Variants in KBTBD7 observed in about 807,000 individuals in gnomAD.
The protein encoded by KBTBD7 is kelch repeat and BTB domain-containing protein 7.
KBTBD7 carries 25 observed loss-of-function variants against 50.3 expected under a neutral mutation model. The observed-to-expected ratio is 0.50, with a 90% CI of 0.36 to 0.69. The LOEUF (loss-of-function observed/expected upper bound fraction) is 0.69, where lower values mean the gene tolerates loss of function less well. KBTBD7 is among the 30% of genes least tolerant of loss of function. The pLI is 0.00. For missense variants in KBTBD7, 653 were observed against 869.5 expected (o/e 0.75, Z 3.13); for synonymous variants, 305 against 325.3 (o/e 0.94, Z 0.67).
At position 41,192,441 on chromosome 13, in the gene KBTBD7, T is replaced by G; in HGVS notation, c.1817A>C (p.Gln606Pro). Residue 606 changes from glutamine (Q) to proline (P), a missense_variant, in exon 1 of 1, where the codon CAG becomes CCG. By Grantham distance (76) the Gln-to-Pro change is moderately conservative. Transcript: ENST00000379483. ...AAGGCAAATAAAGCCAGAGTCAAAC[T>G]GCAAAAGGCCTAACATGGTACCTAT... ...INIGTMLGLL[Q>P]FDSGFICLCA... The G allele has an allele frequency of 6.2e-7, 1 of 1,614,230 alleles. No individual in the cohort carries two copies. The highest frequency in any genetic ancestry group is 8.5e-7 in the Non-Finnish European group (1 of 1,180,030).
At position 41,194,130 on chromosome 13, in the gene KBTBD7, G is replaced by A. The variant is rs1031566137; in HGVS notation, c.128C>T (p.Thr43Met). The change falls in exon 1 of 1, where the codon ACG becomes ATG. Residue 43 changes from threonine (T) to methionine (M), a missense_variant. Around this residue, in one of 3 missense-constraint regions of KBTBD7, gnomAD observed 119 missense variants for 125.0 expected, o/e 0.95. Transcript: ENST00000379483. ...FFTGPEELKD[T>M]AHSAALLAQL... ...TGCCAGCAGGGCTGCAGAATGGGCC[G>A]TGTCCTTTAACTCCTCTGGACCCGT... 1.9e-6 allele frequency: 3 copies of A among 1,614,082 alleles called. No individual in the cohort carries two copies. In the African/African-American group the frequency reaches 4.0e-5, roughly 22 times the overall value.
rs532278193 is a variant in KBTBD7 at position 41,192,503 on chromosome 13, C to T, written c.1755G>A (p.Val585=). ...TPQWKKNRVT[V]YEYDTREDQW... ...GATCTTCCCTAGTATCATACTCATACACTGTCACTCGGTTCTTTTTCCATT... is the reference window on the plus strand; with the variant it reads ...GATCTTCCCTAGTATCATACTCATATACTGTCACTCGGTTCTTTTTCCATT... The change falls in exon 1 of 1, where the codon GTG becomes GTA. Residue 585 remains valine (V), a synonymous_variant. Coordinates refer to ENST00000379483, the MANE Select transcript of KBTBD7 (RefSeq NM_032138.7). 2 of 1,614,202 alleles carry T rather than the reference C, an allele frequency of 1.2e-6. No individual in the cohort carries two copies. Among genetic ancestry groups the T allele is most frequent in the South Asian group, 1.1e-5 (1 of 91,082 alleles).
In KBTBD7 at chr13:41,193,915, G is replaced by C. The variant is rs770048366; in HGVS notation, c.343C>G (p.His115Asp). 2 of 1,613,974 alleles carry C rather than the reference G, an allele frequency of 1.2e-6. No individual in the cohort carries two copies. Among genetic ancestry groups the C allele is most frequent in the Non-Finnish European group, 1.7e-6 (2 of 1,179,896 alleles). The stretch of plus-strand genomic sequence containing the variant: ...TCGAAGGACTCGGCGTCCACATCGT[G>C]CATGGTCACGCTGGCCTGCTGGCTC... ...YESQQASVTM[H>D]DVDAESFEVL... The change falls in exon 1 of 1, where the codon CAC becomes GAC. Residue 115 changes from histidine to aspartate, a missense_variant. His to Asp is a moderately conservative substitution (Grantham distance 81). This residue lies in a region of KBTBD7 where 526 missense variants were observed against 717.1 expected (regional missense o/e 0.73). Coordinates refer to ENST00000379483, the MANE Select transcript of KBTBD7 (RefSeq NM_032138.7). The surrounding 1 kb of genome is among the most constrained non-coding windows in gnomAD (Gnocchi z 5.7).
At position 41,194,346 on chromosome 13, in the gene KBTBD7, C is replaced by T; in HGVS notation, c.-89G>A. 22 of 1,511,948 alleles carry T rather than the reference C, an allele frequency of 1.5e-5. No homozygotes were observed. Among genetic ancestry groups the T allele is most frequent in the Non-Finnish European group, 2.0e-5 (22 of 1,125,224 alleles). The allele number at this position is 1,511,948 out of a possible 1,614,324, so 93.7% of individuals were successfully genotyped here. ...CAACCTTCCCTCGCTGACGCTAAGA[C>T]AAGCCGCGTCCTGGAACAGACTGCG... On this transcript the variant is annotated 5_prime_UTR_variant, in exon 1 of 1. Coordinates refer to ENST00000379483, the MANE Select transcript of KBTBD7 (RefSeq NM_032138.7).
rs2138573751 is a variant in KBTBD7, at chr13:41,192,863, T to C, written c.1395A>G (p.Ala465=). ...ECYSVQRNQW[A]LVAPVPHSFY... Reference sequence around the variant, plus strand: ...AGGAATGAGGGACAGGAGCCACCAATGCCCACTGGTTTCTCTGAACACTGT... The same window carrying C: ...AGGAATGAGGGACAGGAGCCACCAACGCCCACTGGTTTCTCTGAACACTGT... The change falls in exon 1 of 1, where the codon GCA becomes GCG. Residue 465 remains alanine (A), a synonymous_variant. Coordinates refer to ENST00000379483, the MANE Select transcript of KBTBD7 (RefSeq NM_032138.7). 6.2e-7 allele frequency: 1 copy of C among 1,614,234 alleles called. No homozygotes were observed. Among genetic ancestry groups the C allele is most frequent in the East Asian group, 2.2e-5 (1 of 44,888 alleles).
rs1263293760 is a variant in KBTBD7, at chr13:41,193,327, G to C, written c.931C>G (p.Leu311Val). 6 of 1,611,752 alleles carry C rather than the reference G, an allele frequency of 3.7e-6. No individual in the cohort carries two copies. In the African/African-American group the frequency reaches 6.7e-5, roughly 18 times the overall value. Residue 311 changes from leucine (L) to valine (V), a missense_variant, in exon 1 of 1, where the codon CTG becomes GTG. Coordinates refer to ENST00000379483, the MANE Select transcript of KBTBD7 (RefSeq NM_032138.7). The surrounding 1 kb of genome is among the most constrained non-coding windows in gnomAD (Gnocchi z 5.7). ...MRYGDLLYKS[L>V]VPVPNSSSSS... ...CTGCTGCTGTTTGGCACTGGCACCA[G>C]AGACTTGTACAACAGGTCACCATAG...
In KBTBD7 at chr13:41,190,114, T is replaced by C. The variant is rs1441277741; in HGVS notation, c.*2089A>G. The C allele has an allele frequency of 1.3e-5, 2 of 152,204 alleles. No homozygotes were observed. Among genetic ancestry groups the C allele is most frequent in the Non-Finnish European group, 2.9e-5 (2 of 68,018 alleles). 9.4% of individuals were successfully genotyped at this position (152,204 alleles called of 1,614,324 possible). On this transcript the variant is annotated 3_prime_UTR_variant, in exon 1 of 1. Coordinates refer to ENST00000379483, the MANE Select transcript of KBTBD7 (RefSeq NM_032138.7). ...ATGGATAATCTGGTTGAGATAAGCATTGCCATCTCTCAATTTTTACAAAAC... is the reference window on the plus strand; with the variant it reads ...ATGGATAATCTGGTTGAGATAAGCACTGCCATCTCTCAATTTTTACAAAAC...
Position 41,192,352 on chromosome 13 carries a change from C to G in KBTBD7, c.1906G>C (p.Ala636Pro). ...GQSFITEEDD[A>P]RSESSTEWDL... ...CATTCAGTACTAGACTCACTCCGTG[C>G]ATCATCTTCCTCAGTAATAAAACTC... Residue 636 changes from alanine (A) to proline (P), a missense_variant, in exon 1 of 1, where the codon GCA (alanine) becomes CCA (proline). By Grantham distance (27) the Ala-to-Pro change is conservative. This residue lies in a region of KBTBD7 where 526 missense variants were observed against 717.1 expected (regional missense o/e 0.73). Coordinates refer to ENST00000379483, the MANE Select transcript of KBTBD7 (RefSeq NM_032138.7). 6.2e-7 allele frequency: 1 copy of G among 1,614,170 alleles called. No homozygotes were observed. The highest frequency in any genetic ancestry group is 8.5e-7 in the Non-Finnish European group (1 of 1,180,020).
In KBTBD7 at chr13:41,190,772, G is replaced by T. The variant is rs2031364971; in HGVS notation, c.*1431C>A. Reference sequence around the variant, plus strand: ...ATTTGTGGACTTCCCCTTACATATGGTGACAGAGAGACTGAAACATTGTTC... The same window carrying T: ...ATTTGTGGACTTCCCCTTACATATGTTGACAGAGAGACTGAAACATTGTTC... On this transcript the variant is annotated 3_prime_UTR_variant, in exon 1 of 1. Coordinates refer to ENST00000379483, the MANE Select transcript of KBTBD7 (RefSeq NM_032138.7). The T allele has an allele frequency of 6.6e-6, 1 of 152,050 alleles. No homozygotes were observed. The highest frequency in any genetic ancestry group is 6.5e-5 in the Admixed American group (1 of 15,282). 9.4% of individuals were successfully genotyped at this position (152,050 alleles called of 1,614,324 possible). A position where few individuals can be genotyped will look rare whatever the true frequency, so the allele number is the denominator to read the frequency against.
rs1412311872 is a variant in KBTBD7, at chr13:41,191,561, T to C, written c.*642A>G. 6.7e-6 allele frequency: 1 copy of C among 148,952 alleles called. No homozygotes were observed. Among genetic ancestry groups the C allele is most frequent in the African/African-American group, 2.4e-5 (1 of 40,894 alleles). The allele number at this position is 148,952 out of a possible 1,614,324, so 9.2% of individuals were successfully genotyped here. On this transcript the variant is annotated 3_prime_UTR_variant, in exon 1 of 1. Transcript: ENST00000379483. ...GGAATCCTGATTTTTTCTTTTTTTT[T>C]TTTTTTTTTTTTACTTTCTGTGAGC...
chr13:41,192,561 T>C lies in KBTBD7; in HGVS notation c.1697A>G (p.Gln566Arg), dbSNP rs2031419171. 1 of 1,614,122 alleles carries C rather than the reference T, an allele frequency of 6.2e-7. No individual in the cohort carries two copies. The highest frequency in any genetic ancestry group is 1.7e-5 in the Admixed American group (1 of 60,010). The change falls in exon 1 of 1, where the codon CAA (glutamine) becomes CGA (arginine). Residue 566 changes from glutamine to arginine, a missense_variant. Physicochemically the swap from Gln to Arg is conservative, Grantham distance 43. Around this residue, in one of 3 missense-constraint regions of KBTBD7, gnomAD observed 526 missense variants for 717.1 expected, o/e 0.73. Transcript: ENST00000379483. ...TGTAGAAGTGATGAGAAGCAACTTT[T>C]GGTCATGATTGACAATCTGGTAGTT... Reference protein sequence around the residue: ...THNYQIVNHDQKLLLITSTTP... With the variant: ...THNYQIVNHDRKLLLITSTTP...
rs931864705 is a variant in KBTBD7 at position 41,194,546 on chromosome 13, C to G, written c.-289G>C. ...GCCCCCACTGCCGCGCTGGCGATCCCGCTAGGCGCCCGGGAGAACTACTGC... is the reference window on the plus strand; with the variant it reads ...GCCCCCACTGCCGCGCTGGCGATCCGGCTAGGCGCCCGGGAGAACTACTGC... On this transcript the variant is annotated 5_prime_UTR_variant, in exon 1 of 1. Coordinates refer to ENST00000379483, the MANE Select transcript of KBTBD7 (RefSeq NM_032138.7). The G allele has an allele frequency of 7.0e-5, 36 of 514,148 alleles. No homozygotes were observed. The East Asian group carries it at 1.2e-3, about 17-fold the overall frequency. The allele number at this position is 514,148 out of a possible 1,614,324, so 31.8% of individuals were successfully genotyped here.
At position 41,190,271 on chromosome 13, in the gene KBTBD7, G is replaced by A. The variant is rs2031352616; in HGVS notation, c.*1932C>T. 1 of 152,084 alleles carries A rather than the reference G, an allele frequency of 6.6e-6. No homozygotes were observed. Among genetic ancestry groups the A allele is most frequent in the Admixed American group, 6.6e-5 (1 of 15,264 alleles). The allele number at this position is 152,084 out of a possible 1,614,324, so 9.4% of individuals were successfully genotyped here. On this transcript the variant is annotated 3_prime_UTR_variant, in exon 1 of 1. Transcript: ENST00000379483. Reference sequence around the variant, plus strand: ...TCAAATGTACAAAATTTAGCTTTAGGTCACTAAAGCATGTTTACCCTTTTG... The same window carrying A: ...TCAAATGTACAAAATTTAGCTTTAGATCACTAAAGCATGTTTACCCTTTTG...
At position 41,193,497 on chromosome 13, in the gene KBTBD7, C is replaced by T; in HGVS notation, c.761G>A (p.Arg254Gln). 1 of 1,614,200 alleles carries T rather than the reference C, an allele frequency of 6.2e-7. No homozygotes were observed. Among genetic ancestry groups the T allele is most frequent in the Non-Finnish European group, 8.5e-7 (1 of 1,180,042 alleles). Residue 254 changes from arginine to glutamine, a missense_variant, in exon 1 of 1, where the codon CGG (arginine) becomes CAG (glutamine). By Grantham distance (43) the Arg-to-Gln change is conservative. Transcript: ENST00000379483. The surrounding 1 kb of genome is among the most constrained non-coding windows in gnomAD (Gnocchi z 5.7). ...GAAGACTTCTGCAGCACTGGGACCC[C>T]GCTCTTTGGCAGCAGCCTCCAGCCA... ...VQWLEAAAKE[R>Q]GPSAAEVFKC...
chr13:41,192,166 G>T lies in KBTBD7; in HGVS notation c.*37C>A. ...ACGATATGTGTTTAAAATACATTCC[G>T]TAGCAGTAGAAACATCTTAGTGTCT... On this transcript the variant is annotated 3_prime_UTR_variant, in exon 1 of 1. Coordinates refer to ENST00000379483, the MANE Select transcript of KBTBD7 (RefSeq NM_032138.7). The T allele has an allele frequency of 6.4e-7, 1 of 1,551,442 alleles. No individual in the cohort carries two copies. Among genetic ancestry groups the T allele is most frequent in the Non-Finnish European group, 8.7e-7 (1 of 1,148,172 alleles).
chr13:41,193,466 G>A lies in KBTBD7; in HGVS notation c.792C>T (p.Cys264=). ...CTTCAGTGAAGTGCATCCAGCGCAC[G>A]CACTTGAAGACTTCTGCAGCACTGG... The part of the protein sequence containing the change: ...RGPSAAEVFK[C]VRWMHFTEED... Residue 264 remains cysteine, a synonymous_variant, in exon 1 of 1, where the codon TGC becomes TGT. Transcript: ENST00000379483. The surrounding 1 kb of genome is among the most constrained non-coding windows in gnomAD (Gnocchi z 5.7). 1.2e-6 allele frequency: 2 copies of A among 1,614,130 alleles called. No homozygotes were observed. The highest frequency in any genetic ancestry group is 1.1e-5 in the South Asian group (1 of 91,072).
rs773968301 is a variant in KBTBD7, at chr13:41,192,401, A to G, written c.1857T>C (p.Tyr619=). The G allele has an allele frequency of 1.2e-6, 2 of 1,614,226 alleles. No individual in the cohort carries two copies. The highest frequency in any genetic ancestry group is 1.7e-6 in the Non-Finnish European group (2 of 1,180,046). Residue 619 remains tyrosine, a synonymous_variant, in exon 1 of 1, where the codon TAT becomes TAC. Transcript: ENST00000379483. ...SGFICLCARV[Y]PSCLEPGQSF... The stretch of plus-strand genomic sequence containing the variant: ...TCTGACCAGGTTCAAGGCAGGAAGG[A>G]TAAACACGAGCACAAAGGCAAATAA...
In KBTBD7 at chr13:41,193,777, C is replaced by G; in HGVS notation, c.481G>C (p.Ala161Pro). The G allele has an allele frequency of 6.2e-7, 1 of 1,614,236 alleles. No individual in the cohort carries two copies. The highest frequency in any genetic ancestry group is 8.5e-7 in the Non-Finnish European group (1 of 1,180,032). ...LQLEYVREAC[A>P]SFLARRLDLT... ...TCAAGACGTCGGGCTAAGAAGGAGG[C>G]ACAGGCTTCCCGCACATATTCCAGC... Residue 161 changes from alanine (A) to proline (P), a missense_variant, in exon 1 of 1, where the codon GCC becomes CCC. Physicochemically the swap from Ala to Pro is conservative, Grantham distance 27. Transcript: ENST00000379483. The surrounding 1 kb of genome is among the most constrained non-coding windows in gnomAD (Gnocchi z 5.7).
chr13:41,192,768 T>C lies in KBTBD7; in HGVS notation c.1490A>G (p.Tyr497Cys). 6.2e-7 allele frequency: 1 copy of C among 1,614,188 alleles called. No homozygotes were observed. ...YAVNSKRMLC[Y>C]DPSHNMWLNC... The stretch of plus-strand genomic sequence containing the variant: ...CAGCCACATATTGTGGCTAGGATCA[T>C]AGCAAAGCATGCGCTTACTGTTGAC... The change falls in exon 1 of 1, where the codon TAT (tyrosine) becomes TGT (cysteine). Residue 497 changes from tyrosine (Y) to cysteine (C), a missense_variant. Transcript: ENST00000379483.
Sources: allele counts gnomAD v4.1 joint callset, GRCh38; gene constraint gnomAD v4.1.1; regional missense constraint gnomAD v4.1.1; non-coding constraint Gnocchi (gnomAD v3.1); transcripts MANE v1.5; gene names NCBI Gene and HGNC (gene_info 2026-07-23, HGNC 2026-07-21).